TMEFF2: variants seen among roughly 807,000 people sequenced by gnomAD.
The protein encoded by TMEFF2 is transmembrane protein with EGF like and two follistatin like domains 2, also known as tomoregulin-2.
In TMEFF2, 28 loss-of-function variants were observed where a neutral mutation model predicts 53.8. The ratio of observed to expected loss-of-function variants is 0.52; its 90% CI spans 0.39 to 0.71. The LOEUF is 0.71. Among genes scored for constraint, TMEFF2 ranks in the 30% least tolerant of loss-of-function variants. The pLI, the probability that TMEFF2 is intolerant of heterozygous loss-of-function variation, is 0.00. For synonymous variants in TMEFF2, 162 were observed against 166.3 expected, an observed-to-expected ratio of 0.97 and a Z score of 0.20; for missense variants, 353 against 455.2, an observed-to-expected ratio of 0.78 and a Z score of 2.04.
chr2:192,010,015 T>C (rs2105848460), intron 5 of TMEFF2, among the ~76,000 whole-genome samples: 3 of 152,298 alleles, frequency 2.0e-5, no homozygotes, highest in Middle Eastern at 6.8e-3. Flanking sequence ...TAAACAAACT[T>C]TGAAAAAGAA....
At chr2:192,012,596 T>A (rs1188369540) in intron 5 of TMEFF2, among the ~76,000 whole-genome samples, 4 of 152,248 alleles carry the variant, frequency 2.6e-5, no homozygotes, top group Middle Eastern at 3.2e-3. Flanking sequence ...GATAAAATGC[T>A]AGCCCCTAAA....
chr2:192,115,699 T>C (rs1689388182), intron 4 of TMEFF2, among the ~76,000 whole-genome samples: 1 of 152,010 alleles, frequency 6.6e-6, no homozygotes, highest in Non-Finnish European at 1.5e-5. Context: ...CATCATTTAT[T>C]CGAAAGCTTA....
intron 4 of TMEFF2, among the ~76,000 whole-genome samples, chr2:192,088,038 C>T (rs1688704566): frequency 6.6e-6 from 1 of 152,140 alleles, no homozygotes; most frequent in Non-Finnish European, 1.5e-5. Context: ...AGCCCTCCAG[C>T]TGCCTGGTTT....
At chr2:192,185,806 T>C (rs1004851134) in intron 2 of TMEFF2, among the ~76,000 whole-genome samples, 2 of 152,110 alleles carry the variant, frequency 1.3e-5, no homozygotes, top group Non-Finnish European at 2.9e-5. Context: ...AGCTTAATTA[T>C]CATAACAAAT....
intron 4 of TMEFF2, among the ~76,000 whole-genome samples, chr2:192,075,202 T>A (rs1301334314): frequency 6.7e-6 from 1 of 149,086 alleles, no homozygotes; most frequent in Admixed American, 6.8e-5. Context: ...CTGGCTTCTA[T>A]ATTTGCAATT....
At chr2:192,084,797 GTTGA>G (rs1192522789) in intron 4 of TMEFF2, among the ~76,000 whole-genome samples, 1 of 152,182 alleles carries the variant, frequency 6.6e-6, no homozygotes, top group Admixed American at 6.5e-5. Context: ...TCTAGCACAG[GTTGA>G]TTGTGTTCTT....
At chr2:192,180,321 C>T (rs552370270) in intron 3 of TMEFF2, among the ~76,000 whole-genome samples, 375 of 151,560 alleles carry the variant, frequency 2.5e-3, no homozygotes, top group South Asian at 4.6e-3. Flanking sequence ...ATCATACTTC[C>T]TCTTCTGGAT....
intron 5 of TMEFF2, among the ~76,000 whole-genome samples, chr2:192,051,692 T>C (rs1341716537): frequency 6.6e-6 from 1 of 152,198 alleles, no homozygotes; most frequent in East Asian, 1.9e-4. Flanking sequence ...CAAATATTCA[T>C]GAGCCTCCAC....
chr2:192,039,915 C>T (rs533737839), intron 5 of TMEFF2, among the ~76,000 whole-genome samples: 1 of 152,020 alleles, frequency 6.6e-6, no homozygotes, highest in Non-Finnish European at 1.5e-5. Flanking sequence ...CCTGTACTGG[C>T]TCATATAACT....
intron 5 of TMEFF2, among the ~76,000 whole-genome samples, chr2:192,005,044 C>G (rs1347241330): frequency 6.6e-6 from 1 of 152,122 alleles, no homozygotes; most frequent in South Asian, 2.1e-4. Flanking sequence ...AAAGAATCAG[C>G]CTTACTCGAA....
chr2:192,086,561 T>C (rs943607573), intron 4 of TMEFF2, among the ~76,000 whole-genome samples: 1 of 152,092 alleles, frequency 6.6e-6, no homozygotes, highest in Admixed American at 6.6e-5. Flanking sequence ...TAAAGGGCTG[T>C]TAGATGAGAG....
At chr2:192,093,822 TA>T (rs5837284) in intron 4 of TMEFF2, among the ~76,000 whole-genome samples, 4 of 146,336 alleles carry the variant, frequency 2.7e-5, no homozygotes, top group African/African-American at 1.0e-4. Context: ...ATATATTTCT[TA>T]AAAAAAAAAG....
intron 5 of TMEFF2, among the ~76,000 whole-genome samples, chr2:192,035,569 C>T (rs1027727152): frequency 6.6e-6 from 1 of 152,128 alleles, no homozygotes; most frequent in African/African-American, 2.4e-5. Context: ...TTTCCCATTA[C>T]TTAGTCTGTC....
At chr2:192,050,890 C>T (rs1687752757) in intron 5 of TMEFF2, among the ~76,000 whole-genome samples, 1 of 152,224 alleles carries the variant, frequency 6.6e-6, no homozygotes, top group Non-Finnish European at 1.5e-5. Context: ...AAACTATCAA[C>T]ATTTTCCCCT....
intron 4 of TMEFF2, among the ~76,000 whole-genome samples, chr2:192,147,118 T>C (rs529188678): frequency 2.0e-5 from 3 of 152,136 alleles, no homozygotes; most frequent in East Asian, 3.9e-4. Flanking sequence ...AGACTCCCCT[T>C]TCCAGAATTA....
At chr2:192,187,640 G>T (rs920750198) in intron 2 of TMEFF2, among the ~76,000 whole-genome samples, 1 of 152,196 alleles carries the variant, frequency 6.6e-6, no homozygotes, top group Non-Finnish European at 1.5e-5. Flanking sequence ...AGTTCAGATG[G>T]TTAGGTCCAT....
intron 4 of TMEFF2, among the ~76,000 whole-genome samples, chr2:192,070,865 T>G (rs1389709669): frequency 6.6e-6 from 1 of 151,888 alleles, no homozygotes; most frequent in Non-Finnish European, 1.5e-5. Flanking sequence ...ATTAAAGTTG[T>G]GTACTAAATG....
intron 4 of TMEFF2, among the ~76,000 whole-genome samples, chr2:192,165,023 T>C (rs955264199): frequency 4.6e-5 from 7 of 150,668 alleles, no homozygotes; most frequent in Non-Finnish European, 5.9e-5. Context: ...TGTGCACACA[T>C]ACTTGCATGT....
intron 7 of TMEFF2, among the ~76,000 whole-genome samples, chr2:191,978,703 T>C (rs1685786941): frequency 6.6e-6 from 1 of 152,212 alleles, no homozygotes; most frequent in Non-Finnish European, 1.5e-5. Flanking sequence ...TTTTAGCACC[T>C]AAAATGAAAT....
Sources: gnomAD v4.1 joint callset for allele counts (sites outside exome capture counted in the v4.1 genomes callset) on GRCh38, gnomAD v4.1.1 for gene constraint, MANE v1.5 for transcripts, NCBI Gene and HGNC (gene_info 2026-07-23, HGNC 2026-07-21) for gene names.